The following ARHGAP24 variants were observed in gnomAD, a reference collection of about 807,000 sequenced individuals.
ARHGAP24 encodes the protein Rho GTPase activating protein 24, also known as rho GTPase-activating protein 24.
A neutral mutation model predicts 76.4 loss-of-function variants in ARHGAP24; 50 were observed. The observed-to-expected ratio is 0.65, with a 90% CI of 0.52 to 0.83. ARHGAP24 has a LOEUF of 0.83. Among genes scored for constraint, ARHGAP24 ranks in the 40% least tolerant of loss-of-function variants. The pLI, the probability that ARHGAP24 is intolerant of heterozygous loss-of-function variation, is 0.00. For synonymous variants in ARHGAP24, 345 were observed against 323.3 expected, an observed-to-expected ratio of 1.07 and a Z score of -0.72; for missense variants, 930 against 914.2, an observed-to-expected ratio of 1.02 and a Z score of -0.22.
At chr4:85,568,881 A>G (rs188430997) in intron 1 of ARHGAP24, among the ~76,000 whole-genome samples, 19 of 152,364 alleles carry the variant, frequency 1.2e-4, no homozygotes, top group African/African-American at 4.3e-4. Context: ...ATAGATTGAA[A>G]TATATGCCAG....
intron 2 of ARHGAP24, among the ~76,000 whole-genome samples, chr4:85,588,993 A>G (rs1560543404): frequency 6.6e-6 from 1 of 152,234 alleles, no homozygotes; most frequent in Non-Finnish European, 1.5e-5. Context: ...GAGGTAAATC[A>G]CCTGCAAGGT....
In ARHGAP24 at chr4:85,762,385, G is replaced by A. The variant is rs145034740; in HGVS notation, c.268+40413G>A. 3.1e-3 allele frequency among the ~76,000 whole-genome samples: 478 copies of A among 152,256 alleles called. 5 individuals are homozygous for A. Among genetic ancestry groups the A allele is most frequent in the African/African-American group, 0.01 (429 of 41,556 alleles). Reference sequence around the variant, plus strand: ...GAACGAGAAGGAAAGGAAAGACAGCGATTGAAGCAAGATCCAGGAGAGGGA... The same window carrying A: ...GAACGAGAAGGAAAGGAAAGACAGCAATTGAAGCAAGATCCAGGAGAGGGA... On this transcript the variant is annotated intron_variant, in intron 3 of 9. Transcript: ENST00000395184.
At chr4:85,786,383 T>C (rs1034997633) in intron 3 of ARHGAP24, among the ~76,000 whole-genome samples, 14 of 152,224 alleles carry the variant, frequency 9.2e-5, no homozygotes, top group Non-Finnish European at 1.8e-4. Context: ...TCCTCTTTCA[T>C]TCATAGGAGC....
intron 3 of ARHGAP24, among the ~76,000 whole-genome samples, chr4:85,793,891 A>G (rs1166798781): frequency 6.6e-6 from 1 of 152,218 alleles, no homozygotes; most frequent in Admixed American, 6.5e-5. Flanking sequence ...TTCTGGGGAT[A>G]TAAATAGAAC....
intron 3 of ARHGAP24, among the ~76,000 whole-genome samples, chr4:85,896,624 T>G (rs748074151): frequency 1.3e-5 from 2 of 152,212 alleles, no homozygotes; most frequent in African/African-American, 4.8e-5. Context: ...TAGGGCTAAA[T>G]CTATATCCAA....
intron 2 of ARHGAP24, among the ~76,000 whole-genome samples, chr4:85,634,320 A>G (rs759342263): frequency 6.6e-6 from 1 of 151,838 alleles, no homozygotes; most frequent in Non-Finnish European, 1.5e-5. Flanking sequence ...TAAATACTCT[A>G]TTTTTAATTT....
chr4:85,896,643 C>A (rs578035026), intron 3 of ARHGAP24, among the ~76,000 whole-genome samples: 95 of 152,260 alleles, frequency 6.2e-4, no homozygotes, highest in Non-Finnish European at 7.4e-4. Context: ...AAGACACTTA[C>A]CCCTTTTACT....
At chr4:85,974,312 G>A (rs1398256763) in intron 6 of ARHGAP24, among the ~76,000 whole-genome samples, 2 of 152,262 alleles carry the variant, frequency 1.3e-5, no homozygotes, top group Non-Finnish European at 2.9e-5. Context: ...ACCTTTATGG[G>A]CAGAAGAAGA....
intron 2 of ARHGAP24, among the ~76,000 whole-genome samples, chr4:85,703,129 A>G (rs770422740): frequency 8.5e-5 from 13 of 152,216 alleles, no homozygotes. Context: ...TGAAAGAAGT[A>G]GATTTTATCC....
At position 85,688,245 on chromosome 4, in the gene ARHGAP24, G is replaced by C. The variant is rs147313813; in HGVS notation, c.181-33640G>C. ...GCCTCCTGAGCATCTGTTATTTTTTGACTTTTTAGTAATAGCCATTCTGAC... is the reference window on the plus strand; with the variant it reads ...GCCTCCTGAGCATCTGTTATTTTTTCACTTTTTAGTAATAGCCATTCTGAC... On this transcript the variant is annotated intron_variant, in intron 2 of 9. Transcript: ENST00000395184. Among the ~76,000 whole-genome samples, 804 of 152,142 alleles carry C rather than the reference G, an allele frequency of 5.3e-3. 7 individuals are homozygous for C. Among genetic ancestry groups the C allele is most frequent in the African/African-American group, 0.018 (760 of 41,506 alleles).
At chr4:85,747,483 C>T (rs1177638090) in intron 3 of ARHGAP24, among the ~76,000 whole-genome samples, 1 of 152,168 alleles carries the variant, frequency 6.6e-6, no homozygotes, top group Non-Finnish European at 1.5e-5. Context: ...GTGGGCGGAT[C>T]ACGAGGTCAG....
At chr4:85,580,908 C>T (rs749492787) in intron 2 of ARHGAP24, among the ~76,000 whole-genome samples, 1 of 152,160 alleles carries the variant, frequency 6.6e-6, no homozygotes, top group Non-Finnish European at 1.5e-5. Context: ...ATTCCAGCAA[C>T]CTGTCAGAGA....
intron 3 of ARHGAP24, among the ~76,000 whole-genome samples, chr4:85,862,770 T>C (rs752475053): frequency 5.3e-5 from 8 of 152,132 alleles, no homozygotes; most frequent in Non-Finnish European, 8.8e-5. Context: ...ATCCAATATT[T>C]GATGGGATCT....
At chr4:85,598,479 C>T (rs530643828) in intron 2 of ARHGAP24, among the ~76,000 whole-genome samples, 4 of 152,082 alleles carry the variant, frequency 2.6e-5, no homozygotes, top group African/African-American at 9.6e-5. Flanking sequence ...TGTGGCAGAG[C>T]TGAAAGTGCA....
At chr4:85,561,024 T>C (rs1464857186) in intron 1 of ARHGAP24, among the ~76,000 whole-genome samples, 1 of 152,236 alleles carries the variant, frequency 6.6e-6, no homozygotes, top group African/African-American at 2.4e-5. Context: ...CAGTTTGCCA[T>C]TTATTTAACA....
At chr4:85,555,746 T>C (rs1726330842) in intron 1 of ARHGAP24, among the ~76,000 whole-genome samples, 1 of 152,132 alleles carries the variant, frequency 6.6e-6, no homozygotes, top group African/African-American at 2.4e-5. Context: ...TCTCTCAGGT[T>C]TCCATATCAG....
At chr4:85,556,402 G>A (rs1209428258) in intron 1 of ARHGAP24, among the ~76,000 whole-genome samples, 3 of 152,132 alleles carry the variant, frequency 2.0e-5, no homozygotes, top group Non-Finnish European at 4.4e-5. Context: ...GAAGAGTGGG[G>A]TGTGGGAGCT....
At chr4:85,886,653 A>G (rs796156238) in intron 3 of ARHGAP24, among the ~76,000 whole-genome samples, 36 of 152,278 alleles carry the variant, frequency 2.4e-4, no homozygotes, top group African/African-American at 8.4e-4. Context: ...TATTAACTGA[A>G]TAGCTTTTTT....
intron 3 of ARHGAP24, among the ~76,000 whole-genome samples, chr4:85,733,059 A>ATTTTTTTT (rs1560606971): frequency 2.8e-5 from 1 of 35,774 alleles, no homozygotes; most frequent in Non-Finnish European, 6.8e-5. Context: ...GGCCTCACCA[A>ATTTTTTTT]CTTTTTTTTT....
Sources: allele counts gnomAD v4.1 joint callset (sites outside exome capture counted in the v4.1 genomes callset), GRCh38; gene constraint gnomAD v4.1.1; transcripts MANE v1.5; gene names NCBI Gene and HGNC (gene_info 2026-07-23, HGNC 2026-07-21).